RNF150: variants seen among roughly 807,000 people sequenced by gnomAD.
The protein encoded by RNF150 is ring finger protein 150.
A neutral mutation model predicts 39.3 loss-of-function variants in RNF150; 24 were observed. That is an observed-to-expected ratio of 0.61 (90% CI 0.44 to 0.86). RNF150 has a LOEUF of 0.86. Ranked by LOEUF, RNF150 falls within the 40% of genes least tolerant of loss-of-function variation. RNF150 has a pLI of 0.00. For missense variants in RNF150, 502 were observed against 587.8 expected (o/e 0.85, Z 1.51); for synonymous variants, 255 against 227.3 (o/e 1.12, Z -1.10).
At chr4:140,988,763 A>G (rs1319423428) in intron 1 of RNF150, among the ~76,000 whole-genome samples, 2 of 152,090 alleles carry the variant, frequency 1.3e-5, no homozygotes, top group Admixed American at 6.6e-5. Flanking sequence ...CAAATGTCCA[A>G]CAATGATGGA....
chr4:141,127,231 T>A (rs1222733397), intron 1 of RNF150, among the ~76,000 whole-genome samples: 1 of 152,178 alleles, frequency 6.6e-6, no homozygotes, highest in East Asian at 1.9e-4. Context: ...ACAGTAAGGG[T>A]ACCTATTTCA....
chr4:140,959,216 T>C (rs921349938), intron 2 of RNF150, among the ~76,000 whole-genome samples: 4 of 152,148 alleles, frequency 2.6e-5, no homozygotes, highest in African/African-American at 7.2e-5. Context: ...TTGTTAGATA[T>C]AAACCCTACT....
At chr4:141,115,283 C>T (rs1578744550) in intron 1 of RNF150, among the ~76,000 whole-genome samples, 1 of 152,208 alleles carries the variant, frequency 6.6e-6, no homozygotes, top group Non-Finnish European at 1.5e-5. Context: ...TGATAAGCAA[C>T]TTCAGCAAAG....
At chr4:141,065,044 T>C (rs527653175) in intron 1 of RNF150, among the ~76,000 whole-genome samples, 2 of 152,336 alleles carry the variant, frequency 1.3e-5, no homozygotes, top group South Asian at 4.1e-4. Flanking sequence ...TTTGTATTTT[T>C]AGTAGAGATG....
intron 5 of RNF150, among the ~76,000 whole-genome samples, chr4:140,925,643 G>T (rs10004146): frequency 0.55 from 83,360 of 151,762 alleles, 23,379 homozygotes; most frequent in East Asian, 0.89. Context: ...GATGCAAGAG[G>T]TGCTCAGTGT....
intron 1 of RNF150, among the ~76,000 whole-genome samples, chr4:140,968,216 T>C (rs1220893780): frequency 6.6e-6 from 1 of 152,072 alleles, no homozygotes; most frequent in Non-Finnish European, 1.5e-5. Flanking sequence ...CAGCCCAGTT[T>C]ACAGTTCTAT....
chr4:141,040,967 G>T (rs148492992), intron 1 of RNF150, among the ~76,000 whole-genome samples: 8 of 152,160 alleles, frequency 5.3e-5, no homozygotes, highest in African/African-American at 1.7e-4. Context: ...CATTATGTGT[G>T]CCTGGTTGAG....
At chr4:141,200,764 T>C (rs1165876062) in intron 1 of RNF150, among the ~76,000 whole-genome samples, 2 of 152,176 alleles carry the variant, frequency 1.3e-5, no homozygotes, top group African/African-American at 4.8e-5. Context: ...TACAAAAGCA[T>C]CATCAAGAAA....
chr4:141,050,741 T>C (rs550579321), intron 1 of RNF150, among the ~76,000 whole-genome samples: 1 of 152,200 alleles, frequency 6.6e-6, no homozygotes, highest in Non-Finnish European at 1.5e-5. Context: ...GTGTACAGCC[T>C]CCCTCCTGGC....
intron 1 of RNF150, among the ~76,000 whole-genome samples, chr4:141,150,651 T>G (rs1021097335): frequency 6.6e-6 from 1 of 152,192 alleles, no homozygotes; most frequent in Non-Finnish European, 1.5e-5. Context: ...ACACTGTCCC[T>G]CTAATATGCC....
intron 1 of RNF150, among the ~76,000 whole-genome samples, chr4:141,163,151 G>A (rs543026571): frequency 3.5e-4 from 54 of 152,256 alleles, no homozygotes; most frequent in African/African-American, 1.3e-3. Flanking sequence ...GCTTGAGTAG[G>A]CGGTTTTCCC....
intron 5 of RNF150, among the ~76,000 whole-genome samples, chr4:140,921,066 A>T (rs2111305780): frequency 6.6e-6 from 1 of 150,610 alleles, no homozygotes; most frequent in Non-Finnish European, 1.5e-5. Context: ...GCATTAGGAG[A>T]TATACCTAAC....
chr4:140,892,001 T>C (rs549807446), intron 6 of RNF150, among the ~76,000 whole-genome samples: 15 of 152,348 alleles, frequency 9.8e-5, no homozygotes, highest in Admixed American at 9.8e-4. Flanking sequence ...GGAAAAATTC[T>C]CTTCCAAGCA....
intron 1 of RNF150, among the ~76,000 whole-genome samples, chr4:141,164,322 C>A (rs868185593): frequency 6.6e-6 from 1 of 151,986 alleles, no homozygotes. Context: ...ACCAAACCTA[C>A]GTTTGACTGG....
chr4:140,960,067 T>A (rs1039007680), intron 2 of RNF150, among the ~76,000 whole-genome samples: 2 of 152,134 alleles, frequency 1.3e-5, no homozygotes, highest in African/African-American at 4.8e-5. Context: ...TGCTTCAATA[T>A]CTAAAAGGCT....
chr4:141,028,459 C>T (rs140147926), intron 1 of RNF150, among the ~76,000 whole-genome samples: 2 of 152,116 alleles, frequency 1.3e-5, no homozygotes, highest in African/African-American at 2.4e-5. Context: ...CTGTTCCCTA[C>T]TGGAAAAATT....
intron 1 of RNF150, among the ~76,000 whole-genome samples, chr4:141,185,095 A>G (rs1307734557): frequency 6.6e-6 from 1 of 152,084 alleles, no homozygotes; most frequent in Non-Finnish European, 1.5e-5. Context: ...TGAGAATAGC[A>G]TTGAATCTAT....
At chr4:141,060,199 G>A (rs1313959196) in intron 1 of RNF150, among the ~76,000 whole-genome samples, 1 of 152,196 alleles carries the variant, frequency 6.6e-6, no homozygotes, top group East Asian at 1.9e-4. Context: ...CTAGCACTCT[G>A]GGAGGCCAAG....
intron 1 of RNF150, among the ~76,000 whole-genome samples, chr4:141,174,497 T>A (rs750487878): frequency 3.3e-5 from 5 of 152,180 alleles, no homozygotes; most frequent in Non-Finnish European, 7.3e-5. Flanking sequence ...TTGCAACTGG[T>A]AATAATTCTA....
Sources: allele counts gnomAD v4.1 joint callset (sites outside exome capture counted in the v4.1 genomes callset), GRCh38; gene constraint gnomAD v4.1.1; transcripts MANE v1.5; gene names NCBI Gene and HGNC (gene_info 2026-07-23, HGNC 2026-07-21).